Variants in MUSK observed in about 807,000 individuals in gnomAD.
MUSK encodes muscle, skeletal receptor tyrosine-protein kinase.
MUSK carries 55 observed loss-of-function variants against 88.7 expected under a neutral mutation model. That is an observed-to-expected ratio of 0.62 (90% CI 0.50 to 0.78). The LOEUF is 0.78. Ranked by LOEUF, MUSK falls within the 30% of genes least tolerant of loss-of-function variation. MUSK has a pLI of 0.00. For synonymous variants in MUSK, 387 were observed against 391.9 expected, an observed-to-expected ratio of 0.99 and a Z score of 0.15; for missense variants, 1,015 against 1,074.3, an observed-to-expected ratio of 0.94 and a Z score of 0.77.
At chr9:110,681,015 A>ATATATATTATATATTATATAATATATAT (rs2076104859) in intron 1 of MUSK, among the ~76,000 whole-genome samples, 2 of 24,494 alleles carry the variant, frequency 8.2e-5, no homozygotes, top group Non-Finnish European at 1.4e-4. Context: ...ATTATATATA[A>ATATATATTATATATTATATAATATATAT]TATATATTAT....
chr9:110,755,939 T>TATAC (rs1158079198), intron 7 of MUSK, among the ~76,000 whole-genome samples: 1 of 71,214 alleles, frequency 1.4e-5, no homozygotes, highest in South Asian at 4.7e-4. Flanking sequence ...TATACATATA[T>TATAC]ATATATATAT....
intron 5 of MUSK, among the ~76,000 whole-genome samples, chr9:110,708,759 T>C (rs1191592303): frequency 6.6e-6 from 1 of 152,198 alleles, no homozygotes; most frequent in African/African-American, 2.4e-5. Flanking sequence ...ACTTGTATAA[T>C]AATGATAGCA....
chr9:110,747,154 T>C (rs1418001847), intron 6 of MUSK, among the ~76,000 whole-genome samples: 1 of 152,240 alleles, frequency 6.6e-6, no homozygotes, highest in Non-Finnish European at 1.5e-5. Context: ...TGGGCAGGAC[T>C]GCCTGATCTT....
intron 5 of MUSK, among the ~76,000 whole-genome samples, chr9:110,711,340 T>C (rs1301236871): frequency 1.3e-5 from 2 of 152,166 alleles, no homozygotes; most frequent in Non-Finnish European, 2.9e-5. Context: ...AGCCATAGCC[T>C]GCACATGATC....
At chr9:110,690,325 T>C (rs1343939169) in intron 3 of MUSK, among the ~76,000 whole-genome samples, 3 of 98,896 alleles carry the variant, frequency 3.0e-5, no homozygotes, top group African/African-American at 1.4e-4. Context: ...TAGAAATATA[T>C]ATTTAAATAT....
Position 110,801,035 on chromosome 9 carries a change from G to C in MUSK, c.*47G>C. On this transcript the variant is annotated 3_prime_UTR_variant, in exon 15 of 15. Coordinates refer to ENST00000374448, the MANE Select transcript of MUSK (RefSeq NM_005592.4). ...ATGCTGCAGTTTCCTCTCAGACTCTGTGAGCCAGGGGAATCCTACACCAGA... is the reference window on the plus strand; with the variant it reads ...ATGCTGCAGTTTCCTCTCAGACTCTCTGAGCCAGGGGAATCCTACACCAGA... 6.9e-7 allele frequency: 1 copy of C among 1,446,794 alleles called. No individual in the cohort carries two copies. Among genetic ancestry groups the C allele is most frequent in the South Asian group, 1.5e-5 (1 of 65,702 alleles). 89.6% of individuals were successfully genotyped at this position (1,446,794 alleles called of 1,614,324 possible).
intron 13 of MUSK, among the ~76,000 whole-genome samples, chr9:110,786,919 G>A (rs142878679): frequency 8.3e-4 from 126 of 152,246 alleles, no homozygotes; most frequent in Non-Finnish European, 1.5e-3. Flanking sequence ...TGGCCCTGGC[G>A]TAGAGGTTAC....
At chr9:110,690,395 T>A (rs1317826429) in intron 3 of MUSK, among the ~76,000 whole-genome samples, 3 of 113,172 alleles carry the variant, frequency 2.7e-5, no homozygotes, top group African/African-American at 1.1e-4. Flanking sequence ...AATATAAGTA[T>A]ATACATAAAT....
At chr9:110,718,593 C>A (rs1189927701) in intron 5 of MUSK, among the ~76,000 whole-genome samples, 2 of 151,884 alleles carry the variant, frequency 1.3e-5, no homozygotes, top group African/African-American at 4.8e-5. Context: ...TGTTAAAAGT[C>A]AAAACCTAAG....
chr9:110,740,924 A>T (rs2077089117), intron 6 of MUSK, among the ~76,000 whole-genome samples: 1 of 152,164 alleles, frequency 6.6e-6, no homozygotes, highest in Admixed American at 6.5e-5. Context: ...TCTCACTTAT[A>T]TGTGGAATCT....
intron 7 of MUSK, among the ~76,000 whole-genome samples, chr9:110,755,939 T>TATAAC (rs1158079198): frequency 7.0e-5 from 5 of 71,198 alleles, no homozygotes; most frequent in Non-Finnish European, 1.4e-4. Flanking sequence ...TATACATATA[T>TATAAC]ATATATATAT....
chr9:110,689,295 C>CT (rs957339025), intron 3 of MUSK, among the ~76,000 whole-genome samples: 2 of 106,250 alleles, frequency 1.9e-5, no homozygotes, highest in Admixed American at 1.2e-4. Context: ...AAATATATAG[C>CT]TATATATTTA....
At chr9:110,782,905 G>A (rs1210144637) in intron 11 of MUSK, among the ~76,000 whole-genome samples, 1 of 152,114 alleles carries the variant, frequency 6.6e-6, no homozygotes, top group Non-Finnish European at 1.5e-5. Flanking sequence ...CCAGTTCCAG[G>A]TGCCTGCCTG....
At chr9:110,745,579 A>C (rs1262901092) in intron 6 of MUSK, among the ~76,000 whole-genome samples, 1 of 152,210 alleles carries the variant, frequency 6.6e-6, no homozygotes, top group Non-Finnish European at 1.5e-5. Context: ...GGGAGTCCAA[A>C]TATTTTCAGT....
In MUSK at chr9:110,800,716, A is replaced by G. The variant is rs2132067909; in HGVS notation, c.2338A>G (p.Thr780Ala). 1 of 1,613,958 alleles carries G rather than the reference A, an allele frequency of 6.2e-7. No individual in the cohort carries two copies. Among genetic ancestry groups the G allele is most frequent in the Non-Finnish European group, 8.5e-7 (1 of 1,179,874 alleles). ...PPESIFYNRY[T>A]TESDVWAYGV... is the part of the protein sequence containing the mutation. ...AGAGTCCATTTTTTATAACCGCTAC[A>G]CTACAGAGTCTGATGTGTGGGCCTA... Residue 780 changes from threonine to alanine, a missense_variant, in exon 15 of 15, where the codon ACT becomes GCT. Transcript: ENST00000374448.
intron 11 of MUSK, among the ~76,000 whole-genome samples, chr9:110,779,363 C>A (rs1006227946): frequency 6.6e-6 from 1 of 152,110 alleles, no homozygotes; most frequent in African/African-American, 2.4e-5. Context: ...CTAGAACTGT[C>A]AACAACTGAT....
chr9:110,752,147 A>G (rs2077256172), intron 7 of MUSK, among the ~76,000 whole-genome samples: 1 of 152,142 alleles, frequency 6.6e-6, no homozygotes, highest in Admixed American at 6.5e-5. Flanking sequence ...GTGTGATTGA[A>G]TAAGACTTCT....
intron 1 of MUSK, among the ~76,000 whole-genome samples, chr9:110,672,307 G>GA (rs2075968281): frequency 6.6e-6 from 1 of 152,186 alleles, no homozygotes; most frequent in South Asian, 2.1e-4. Context: ...AAGAGGGCCT[G>GA]AAAGGAGTGG....
At position 110,689,720 on chromosome 9, in the gene MUSK, T is replaced by TATATTATATATAAATATA. The variant is rs1479572084; in HGVS notation, c.358+2452_358+2453insATATTATATATAAATATA. 3.2e-4 allele frequency among the ~76,000 whole-genome samples: 18 copies of TATATTATATATAAATATA among 57,026 alleles called. 1 individual carries two copies. The highest frequency in any genetic ancestry group is 1.0e-3 in the African/African-American group (7 of 6,948). 37.4% of individuals were successfully genotyped at this position (57,026 alleles called of 152,430 possible). A position where few individuals can be genotyped will look rare whatever the true frequency, so the allele number is the denominator to read the frequency against. Reference sequence around the variant, plus strand: ...ATATATAAATATATAACTATATATGTTATATATAGTTTATATATAATATTA... The same window carrying TATATTATATATAAATATA: ...ATATATAAATATATAACTATATATGTATATTATATATAAATATATATATATAGTTTATATATAATATTA... On this transcript the variant is annotated intron_variant, in intron 3 of 14. Transcript: ENST00000374448.
Sources: gnomAD v4.1 joint callset for allele counts (sites outside exome capture counted in the v4.1 genomes callset) on GRCh38, gnomAD v4.1.1 for gene constraint, MANE v1.5 for transcripts, NCBI Gene and HGNC (gene_info 2026-07-23, HGNC 2026-07-21) for gene names.